Variants in KANK1 observed in about 807,000 individuals in gnomAD.
KANK1 encodes the protein KN motif and ankyrin repeat domain-containing protein 1.
A neutral mutation model predicts 106.2 loss-of-function variants in KANK1; 109 were observed. The observed-to-expected ratio is 1.03, with a 90% CI of 0.88 to 1.20. The LOEUF is 1.20. Ranked by LOEUF, KANK1 falls within the 50% of genes most tolerant of loss-of-function variation. KANK1 has a pLI of 0.00. For synonymous variants in KANK1, 873 were observed against 652.2 expected (o/e 1.34, Z -5.16); for missense variants, 2,399 against 1,710.7 (o/e 1.40, Z -7.10).
intron 1 of KANK1, among the ~76,000 whole-genome samples, chr9:668,825 G>C (rs867774130): frequency 1.2e-4 from 18 of 152,114 alleles, no homozygotes; most frequent in Non-Finnish European, 4.4e-5. Context: ...GGATGAAACT[G>C]TTCTACCTCA....
chr9:536,856 CT>C (rs2060327185), intron 1 of KANK1, among the ~76,000 whole-genome samples: 1 of 152,144 alleles, frequency 6.6e-6, no homozygotes, highest in Non-Finnish European at 1.5e-5. Flanking sequence ...ACAGTTAACT[CT>C]CTTAGTTCGC....
chr9:616,313 A>G (rs568558243), intron 1 of KANK1, among the ~76,000 whole-genome samples: 1 of 152,204 alleles, frequency 6.6e-6, no homozygotes, highest in African/African-American at 2.4e-5. Context: ...TACTGTATCA[A>G]CTCGTGTCTG....
intron 1 of KANK1, among the ~76,000 whole-genome samples, chr9:611,319 C>T (rs1027540900): frequency 1.3e-5 from 2 of 152,166 alleles, no homozygotes; most frequent in African/African-American, 4.8e-5. Flanking sequence ...AGTTCCTCAC[C>T]GACTCTATGC....
intron 1 of KANK1, among the ~76,000 whole-genome samples, chr9:548,068 A>G (rs2061041157): frequency 1.3e-5 from 2 of 152,236 alleles, no homozygotes; most frequent in Non-Finnish European, 2.9e-5. Flanking sequence ...TTCTATAGTT[A>G]GGAAAACTAT....
chr9:573,573 G>T (rs1181823932), intron 1 of KANK1, among the ~76,000 whole-genome samples: 1 of 152,056 alleles, frequency 6.6e-6, no homozygotes, highest in African/African-American at 2.4e-5. Context: ...CCCGGTCAAG[G>T]ATTTTTTTTT....
At chr9:704,228 A>C (rs931074373) in intron 2 of KANK1, among the ~76,000 whole-genome samples, 1 of 152,178 alleles carries the variant, frequency 6.6e-6, no homozygotes, top group Admixed American at 6.5e-5. Context: ...AACAAAATAG[A>C]CCTTTATATC....
chr9:480,612 A>G (rs531979616), intron 3 of KANK1, among the ~76,000 whole-genome samples: 19 of 152,358 alleles, frequency 1.2e-4, no homozygotes, highest in African/African-American at 4.6e-4. Context: ...TAGCAGGTTA[A>G]TTTCAGTAGA....
chr9:741,648 C>T (rs975626661), intron 9 of KANK1, among the ~76,000 whole-genome samples: 11 of 151,922 alleles, frequency 7.2e-5, no homozygotes, highest in East Asian at 1.9e-4. Context: ...CCCCCACGTC[C>T]GGCTTATTTT....
At chr9:508,087 G>T (rs2058850146) in intron 1 of KANK1, among the ~76,000 whole-genome samples, 1 of 128,872 alleles carries the variant, frequency 7.8e-6, no homozygotes, top group Admixed American at 8.7e-5. Context: ...CTCCCAAAGT[G>T]TTGGGATTAC....
At chr9:704,652 C>A (rs879469278) in intron 2 of KANK1, among the ~76,000 whole-genome samples, 9 of 152,070 alleles carry the variant, frequency 5.9e-5, no homozygotes, top group Non-Finnish European at 1.0e-4. Flanking sequence ...ATTCCATTTG[C>A]CTTCCAAACA....
rs184366461 is a variant in KANK1, at chr9:538,926, G to A, written c.-84+34172G>A. On this transcript the variant is annotated intron_variant, in intron 1 of 11. Transcript: ENST00000382297. ...GAGACAGTCTCACTGTGTTGCCCAG[G>A]CTGGAGTACAGTGACACAATCTCAG... 3.3e-3 allele frequency among the ~76,000 whole-genome samples: 508 copies of A among 152,216 alleles called. 1 individual carries two copies. Among genetic ancestry groups the A allele is most frequent in the African/African-American group, 0.011 (476 of 41,534 alleles).
intron 1 of KANK1, among the ~76,000 whole-genome samples, chr9:664,880 G>C (rs892600074): frequency 6.6e-6 from 1 of 152,142 alleles, no homozygotes; most frequent in East Asian, 1.9e-4. Flanking sequence ...ATTGGGGTGA[G>C]ATTATACCTC....
rs566970421 is a variant in KANK1, at chr9:576,174, G to A, written c.-84+71420G>A. On this transcript the variant is annotated intron_variant, in intron 1 of 11. Transcript: ENST00000382297. ...TCTGAAGGTGGGAGTCTAGGAATCT[G>A]TGTTTTTACAAAGCCCTCCACATAC... Among the ~76,000 whole-genome samples the A allele has an allele frequency of 8.6e-4, 131 of 152,316 alleles. 1 individual carries two copies. The highest frequency in any genetic ancestry group is 3.0e-3 in the African/African-American group (124 of 41,576).
chr9:707,061 C>G (rs982081709), intron 2 of KANK1: 2 of 985,298 alleles, frequency 2.0e-6, no homozygotes, highest in South Asian at 4.7e-5. Context: ...TCACTGCAGC[C>G]GGAGGGAGAC....
At chr9:583,567 T>A (rs890552046) in intron 1 of KANK1, among the ~76,000 whole-genome samples, 7 of 152,056 alleles carry the variant, frequency 4.6e-5, no homozygotes, top group African/African-American at 1.7e-4. Context: ...AGTATCCTTA[T>A]ATAAAGATCC....
intron 1 of KANK1, among the ~76,000 whole-genome samples, chr9:601,213 A>G (rs1299722742): frequency 1.3e-5 from 2 of 151,928 alleles, no homozygotes; most frequent in Non-Finnish European, 2.9e-5. Flanking sequence ...GTTATCTTAC[A>G]TAACCATATT....
intron 3 of KANK1, among the ~76,000 whole-genome samples, chr9:499,157 A>G (rs1185673130): frequency 4.0e-5 from 6 of 151,842 alleles, no homozygotes; most frequent in Non-Finnish European, 7.4e-5. Context: ...CAACCTGGGC[A>G]ACAGAGCAAG....
chr9:687,675 C>A (rs1818880324), intron 2 of KANK1, among the ~76,000 whole-genome samples: 4 of 152,104 alleles, frequency 2.6e-5, no homozygotes. Context: ...TTAATATAAG[C>A]CCTTCTTATC....
chr9:711,944 G>A lies in KANK1; in HGVS notation c.1178G>A (p.Arg393Lys), dbSNP rs1826230741. ...DSSCEASSEL[R>K]ENGECRSVAV... ...AGCTGTGAGGCCTCCTCAGAGCTCA[G>A]GGAGAATGGAGAGTGCCGGTCTGTG... The change falls in exon 3 of 12, where the codon AGG becomes AAG. Residue 393 changes from arginine to lysine, a missense_variant. Transcript: ENST00000382297. The A allele has an allele frequency of 1.9e-6, 3 of 1,614,224 alleles. No individual in the cohort carries two copies. Among genetic ancestry groups the A allele is most frequent in the Non-Finnish European group, 2.5e-6 (3 of 1,180,054 alleles).
Sources: allele counts gnomAD v4.1 joint callset (sites outside exome capture counted in the v4.1 genomes callset), GRCh38; gene constraint gnomAD v4.1.1; transcripts MANE v1.5; gene names NCBI Gene and HGNC (gene_info 2026-07-23, HGNC 2026-07-21).